CREBBP: variants seen among roughly 807,000 people sequenced by gnomAD.
CREBBP encodes the protein CREB-binding protein.
Under a neutral mutation model 265.0 loss-of-function variants are expected in CREBBP, and 19 were observed. That is an observed-to-expected ratio of 0.07 (90% CI 0.05 to 0.11). The LOEUF (loss-of-function observed/expected upper bound fraction) is 0.11. CREBBP is among the 10% of genes least tolerant of loss of function. The pLI is 1.00. For synonymous variants in CREBBP, 1,457 were observed against 1,223.7 expected (o/e 1.19, Z -3.98); for missense variants, 2,525 against 3,219.0 (o/e 0.78, Z 5.22).
At chr16:3,804,633 G>A (rs914196721) in intron 3 of CREBBP, among the ~76,000 whole-genome samples, 4 of 152,136 alleles carry the variant, frequency 2.6e-5, no homozygotes, top group East Asian at 3.8e-4. Context: ...GGACTACTGC[G>A]GTGTATTTAC....
intron 3 of CREBBP, among the ~76,000 whole-genome samples, chr16:3,807,791 C>T (rs1236888098): frequency 6.6e-6 from 1 of 152,152 alleles, no homozygotes; most frequent in East Asian, 1.9e-4. Flanking sequence ...TTGGGGAGAC[C>T]ATGTGTGCTG....
intron 10 of CREBBP, 82 bp from the exon 11 acceptor site, chr16:3,777,739 A>T (rs2053178765): frequency 2.6e-6 from 4 of 1,527,250 alleles, no homozygotes; most frequent in Middle Eastern, 1.7e-4. Flanking sequence ...GAAATTTCTT[A>T]TTAGGACTTC....
chr16:3,731,492 T>C lies in CREBBP; in HGVS notation c.4891-19A>G, dbSNP rs2151317795. 1 of 1,568,346 alleles carries C rather than the reference T, an allele frequency of 6.4e-7. No individual in the cohort carries two copies. The highest frequency in any genetic ancestry group is 1.7e-4 in the Middle Eastern group (1 of 5,954). Reference sequence around the variant, plus strand: ...AGAAGACCTGCAGGAGAGGAGGGGCTTTAGTCCCACACAAGGGACATGGCA... The same window carrying C: ...AGAAGACCTGCAGGAGAGGAGGGGCCTTAGTCCCACACAAGGGACATGGCA... On this transcript the variant is annotated intron_variant, in intron 29 of 30. Coordinates refer to ENST00000262367, the MANE Select transcript of CREBBP (RefSeq NM_004380.3). The surrounding 1 kb of genome is among the most constrained non-coding windows in gnomAD (Gnocchi z 7.7).
At chr16:3,858,981 C>T (rs1009932234) in intron 1 of CREBBP, among the ~76,000 whole-genome samples, 5 of 152,190 alleles carry the variant, frequency 3.3e-5, no homozygotes, top group Non-Finnish European at 5.9e-5. Flanking sequence ...CCCTCCCACA[C>T]ATATTTTCTC....
chr16:3,787,749 T>G (rs2141267693), intron 5 of CREBBP, among the ~76,000 whole-genome samples: 1 of 152,180 alleles, frequency 6.6e-6, no homozygotes. Flanking sequence ...AACCTCTGCC[T>G]CCCGGGTTCA....
chr16:3,837,973 G>A (rs2054489592), intron 2 of CREBBP, among the ~76,000 whole-genome samples: 1 of 151,998 alleles, frequency 6.6e-6, no homozygotes, highest in South Asian at 2.1e-4. Flanking sequence ...CATAGTAAAT[G>A]CCTTATACAG....
chr16:3,750,478 C>T (rs1051137797), intron 20 of CREBBP, among the ~76,000 whole-genome samples: 4 of 152,172 alleles, frequency 2.6e-5, no homozygotes, highest in African/African-American at 4.8e-5. Context: ...CTCAGTCTGA[C>T]GAAAAGAGGG....
intron 2 of CREBBP, among the ~76,000 whole-genome samples, chr16:3,823,356 GT>G (rs2054176552): frequency 6.6e-6 from 1 of 152,166 alleles, no homozygotes; most frequent in African/African-American, 2.4e-5. Flanking sequence ...AGATCAAACT[GT>G]TGGTGACAGA....
intron 1 of CREBBP, among the ~76,000 whole-genome samples, chr16:3,863,455 T>A (rs1383631872): frequency 6.6e-6 from 1 of 151,896 alleles, no homozygotes; most frequent in Non-Finnish European, 1.5e-5. Flanking sequence ...ATACAAAAAT[T>A]AGCTGAGCGT....
At position 3,846,551 on chromosome 16, in the gene CREBBP, C is replaced by A. The variant is rs184972560; in HGVS notation, c.798+3746G>T. ...GAAAACAGCAAAATACTGGGAATAA[C>A]CTAAATGCTCAGCCTACATGGCACA... On this transcript the variant is annotated intron_variant, in intron 2 of 30. Coordinates refer to ENST00000262367, the MANE Select transcript of CREBBP (RefSeq NM_004380.3). Among the ~76,000 whole-genome samples, 7 of 152,270 alleles carry A rather than the reference C, an allele frequency of 4.6e-5. No homozygotes were observed. In the East Asian group the frequency reaches 1.3e-3, roughly 29 times the overall value.
intron 1 of CREBBP, among the ~76,000 whole-genome samples, chr16:3,866,228 C>T (rs1483448118): frequency 6.6e-6 from 1 of 152,166 alleles, no homozygotes; most frequent in Non-Finnish European, 1.5e-5. Context: ...TTGTACCCAA[C>T]GCTCACACAG....
At chr16:3,796,706 T>C (rs2053615416) in intron 3 of CREBBP, among the ~76,000 whole-genome samples, 1 of 152,166 alleles carries the variant, frequency 6.6e-6, no homozygotes, top group Non-Finnish European at 1.5e-5. Context: ...TTTTTAATAG[T>C]GTCTTTTGCA....
At chr16:3,812,585 G>A (rs3025703) in intron 2 of CREBBP, among the ~76,000 whole-genome samples, 2 of 150,942 alleles carry the variant, frequency 1.3e-5, no homozygotes, top group African/African-American at 2.4e-5. Context: ...CTATGCTTCC[G>A]TGAGGGCCTG....
intron 1 of CREBBP, among the ~76,000 whole-genome samples, chr16:3,877,650 C>T (rs2055431263): frequency 6.6e-6 from 1 of 152,236 alleles, no homozygotes; most frequent in Non-Finnish European, 1.5e-5. Context: ...GTTGATCCAC[C>T]AGCCTCCGCC....
rs559890709 is a variant in CREBBP, at chr16:3,830,274, T to C, written c.799-19495A>G. ...ATAGCCAGACGTGGTAGTGTGTGCC[T>C]GTGGTTCCAGCTACTCAGGAGGCTG... On this transcript the variant is annotated intron_variant, in intron 2 of 30. Transcript: ENST00000262367. Among the ~76,000 whole-genome samples the C allele has an allele frequency of 1.6e-3, 243 of 152,242 alleles. 3 individuals carry two copies. Among genetic ancestry groups the C allele is most frequent in the African/African-American group, 5.4e-3 (225 of 41,546 alleles).
At chr16:3,846,089 C>T (rs547520637) in intron 2 of CREBBP, among the ~76,000 whole-genome samples, 7 of 152,144 alleles carry the variant, frequency 4.6e-5, no homozygotes, top group Non-Finnish European at 8.8e-5. Flanking sequence ...TGACCATATT[C>T]CTGGTGAAAC....
intron 1 of CREBBP, among the ~76,000 whole-genome samples, chr16:3,871,062 A>C (rs1395487031): frequency 6.7e-6 from 1 of 150,280 alleles, no homozygotes; most frequent in Non-Finnish European, 1.5e-5. Flanking sequence ...AGAAAAAAAG[A>C]AGGAAGGAAG....
At chr16:3,740,672 A>G in intron 23 of CREBBP, 123 bp from the exon 24 acceptor site, 2 of 1,143,602 alleles carry the variant, frequency 1.7e-6, no homozygotes, top group Admixed American at 3.9e-5. Flanking sequence ...AATGTTCTCC[A>G]AACACGGAAG....
chr16:3,814,058 T>C (rs935867861), intron 2 of CREBBP, among the ~76,000 whole-genome samples: 3 of 152,208 alleles, frequency 2.0e-5, no homozygotes, highest in Non-Finnish European at 4.4e-5. Flanking sequence ...CCCAGATATT[T>C]TGACAATTTT....
Sources: allele counts gnomAD v4.1 joint callset (sites outside exome capture counted in the v4.1 genomes callset), GRCh38; gene constraint gnomAD v4.1.1; non-coding constraint Gnocchi (gnomAD v3.1); transcripts MANE v1.5; gene names NCBI Gene and HGNC (gene_info 2026-07-23, HGNC 2026-07-21).